Variants in PDZD2 observed in about 807,000 individuals in gnomAD.
PDZD2 encodes the protein PDZ domain-containing protein 2.
In PDZD2, 90 loss-of-function variants were observed where a neutral mutation model predicts 220.7. The observed-to-expected ratio is 0.41, with a 90% CI of 0.34 to 0.49. The LOEUF (loss-of-function observed/expected upper bound fraction) is 0.49, where lower values mean the gene tolerates loss of function less well. PDZD2 is among the 20% of genes least tolerant of loss of function. The pLI is 0.28. For missense variants in PDZD2, 3,174 were observed against 3,608.5 expected (o/e 0.88, Z 3.08); for synonymous variants, 1,375 against 1,450.5 (o/e 0.95, Z 1.18).
intron 1 of PDZD2, among the ~76,000 whole-genome samples, chr5:31,688,670 C>G (rs759274818): frequency 6.6e-6 from 1 of 152,182 alleles, no homozygotes; most frequent in Non-Finnish European, 1.5e-5. Context: ...AGGCTGTCTT[C>G]TCACTCCAGA....
chr5:32,075,816 A>G (rs941582463), intron 18 of PDZD2, among the ~76,000 whole-genome samples: 3 of 152,230 alleles, frequency 2.0e-5, no homozygotes, highest in African/African-American at 7.2e-5. Context: ...ATGTCAATAG[A>G]CCTGGAAAAT....
At chr5:31,971,451 A>G (rs531382124) in intron 2 of PDZD2, among the ~76,000 whole-genome samples, 2 of 152,322 alleles carry the variant, frequency 1.3e-5, no homozygotes, top group East Asian at 1.9e-4. Flanking sequence ...TCTTAATGCT[A>G]TCACATTGGG....
At chr5:31,778,741 C>G (rs1027971258) in intron 1 of PDZD2, among the ~76,000 whole-genome samples, 1 of 152,172 alleles carries the variant, frequency 6.6e-6, no homozygotes, top group Non-Finnish European at 1.5e-5. Flanking sequence ...CCCACCAATT[C>G]CGGACACACT....
rs558112791 is a variant in PDZD2, at chr5:31,737,099, T to C, written c.-360-61790T>C. ...TTATAGCAATGCAAGAATGACCTAA[T>C]ATGCCCACTTACACCTTAGCACTGG... On this transcript the variant is annotated intron_variant, in intron 1 of 24. Transcript: ENST00000438447. 9.2e-5 allele frequency among the ~76,000 whole-genome samples: 14 copies of C among 151,396 alleles called. No homozygotes were observed. The South Asian group carries it at 2.7e-3, about 29-fold the overall frequency.
intron 2 of PDZD2, among the ~76,000 whole-genome samples, chr5:31,955,086 T>C (rs776261555): frequency 2.6e-5 from 4 of 152,178 alleles, no homozygotes; most frequent in Non-Finnish European, 5.9e-5. Context: ...CTCTAGGAGC[T>C]GGGAAGAAAT....
chr5:32,061,999 T>C lies in PDZD2; in HGVS notation c.2451+865T>C, dbSNP rs145483758. ...GTTGCCCAGGCTATTCTCAAACTCC[T>C]GGGCTCAAGCAATCAATCCACTTCG... On this transcript the variant is annotated intron_variant, in intron 14 of 24. Transcript: ENST00000438447. 2.0e-3 allele frequency among the ~76,000 whole-genome samples: 299 copies of C among 152,338 alleles called. 6 individuals are homozygous for C. The highest frequency in any genetic ancestry group is 0.014 in the Admixed American group (209 of 15,300).
intron 2 of PDZD2, among the ~76,000 whole-genome samples, chr5:31,943,441 A>G (rs1746380911): frequency 6.6e-6 from 1 of 152,188 alleles, no homozygotes; most frequent in Non-Finnish European, 1.5e-5. Context: ...TTGGTATGGT[A>G]GGACCCACCC....
At chr5:31,979,396 T>C (rs1380880239) in intron 2 of PDZD2, among the ~76,000 whole-genome samples, 1 of 151,920 alleles carries the variant, frequency 6.6e-6, no homozygotes, top group Non-Finnish European at 1.5e-5. Flanking sequence ...ATGGACAACA[T>C]GGTGAAACCC....
At chr5:32,062,669 T>C (rs1000139706) in intron 14 of PDZD2, among the ~76,000 whole-genome samples, 1 of 152,178 alleles carries the variant, frequency 6.6e-6, no homozygotes, top group African/African-American at 2.4e-5. Flanking sequence ...GCTGGAATTA[T>C]AGGCACGAGC....
intron 6 of PDZD2, among the ~76,000 whole-genome samples, chr5:32,028,186 G>A (rs1342395347): frequency 4.6e-5 from 7 of 152,198 alleles, no homozygotes; most frequent in African/African-American, 7.2e-5. Context: ...TGGTTTGTTC[G>A]TAAGGCTGCA....
At chr5:31,960,364 T>G (rs1436275508) in intron 2 of PDZD2, among the ~76,000 whole-genome samples, 1 of 152,024 alleles carries the variant, frequency 6.6e-6, no homozygotes, top group Non-Finnish European at 1.5e-5. Flanking sequence ...ATTACAGGAT[T>G]ACACCACTAC....
chr5:31,813,342 C>T (rs1356369440), intron 2 of PDZD2, among the ~76,000 whole-genome samples: 3 of 146,736 alleles, frequency 2.0e-5, no homozygotes, highest in African/African-American at 5.0e-5. Flanking sequence ...CCCAGCTACT[C>T]GGGAGGCTGA....
intron 1 of PDZD2, among the ~76,000 whole-genome samples, chr5:31,641,236 G>A (rs1037075783): frequency 1.3e-5 from 2 of 152,186 alleles, no homozygotes; most frequent in Non-Finnish European, 2.9e-5. Flanking sequence ...TAAGCACTAT[G>A]GTGCAGACCA....
chr5:32,078,653 A>AAAAG (rs1741580139), intron 19 of PDZD2, among the ~76,000 whole-genome samples: 1 of 150,910 alleles, frequency 6.6e-6, no homozygotes, highest in Non-Finnish European at 1.5e-5. Flanking sequence ...AAAAAAAAAA[A>AAAAG]AAAAAAGGAA....
chr5:31,663,726 A>G (rs1033861677), intron 1 of PDZD2, among the ~76,000 whole-genome samples: 3 of 152,156 alleles, frequency 2.0e-5, no homozygotes, highest in African/African-American at 4.8e-5. Context: ...GCTCCGTGTG[A>G]TACCCATGCT....
chr5:31,930,278 T>G (rs1431621900), intron 2 of PDZD2, among the ~76,000 whole-genome samples: 2 of 147,090 alleles, frequency 1.4e-5, no homozygotes, highest in Non-Finnish European at 3.0e-5. Context: ...TGATCTCCGC[T>G]TACTGCAAGC....
At chr5:31,727,739 T>TA (rs60922208) in intron 1 of PDZD2, among the ~76,000 whole-genome samples, 111,060 of 146,846 alleles carry the variant, frequency 0.76, 42,117 homozygotes, top group East Asian at 0.93. Context: ...CGCGGTGGCT[T>TA]CACCTGTAAA....
chr5:31,886,728 T>C (rs13185458), intron 2 of PDZD2, among the ~76,000 whole-genome samples: 44,630 of 150,914 alleles, frequency 0.3, 7,371 homozygotes, highest in Admixed American at 0.37. Flanking sequence ...GACGGAGTCT[T>C]GCTCTGTCGC....
At chr5:31,793,167 C>T (rs1753818713) in intron 1 of PDZD2, among the ~76,000 whole-genome samples, 2 of 149,494 alleles carry the variant, frequency 1.3e-5, no homozygotes, top group South Asian at 4.2e-4. Flanking sequence ...CAGTGTCTCA[C>T]ACACAGTTAT....
Sources: gnomAD v4.1 joint callset for allele counts (sites outside exome capture counted in the v4.1 genomes callset) on GRCh38, gnomAD v4.1.1 for gene constraint, MANE v1.5 for transcripts, NCBI Gene and HGNC (gene_info 2026-07-23, HGNC 2026-07-21) for gene names.